The following LRRTM3 variants were observed in gnomAD, a reference collection of about 807,000 sequenced individuals.
The protein encoded by LRRTM3 is leucine rich repeat transmembrane neuronal 3, also known as leucine-rich repeat transmembrane neuronal protein 3.
Under a neutral mutation model 44.7 loss-of-function variants are expected in LRRTM3, and 24 were observed. The observed-to-expected ratio is 0.54, with a 90% CI of 0.39 to 0.76. The LOEUF (loss-of-function observed/expected upper bound fraction) is 0.76, where lower values mean the gene tolerates loss of function less well. Ranked by LOEUF, LRRTM3 falls within the 30% of genes least tolerant of loss-of-function variation. LRRTM3 has a pLI of 0.00. For missense variants in LRRTM3, 587 were observed against 702.2 expected, an observed-to-expected ratio of 0.84 and a Z score of 1.85; for synonymous variants, 277 against 278.7, an observed-to-expected ratio of 0.99 and a Z score of 0.06.
At chr10:67,044,209 T>A (rs1188705731) in intron 2 of LRRTM3, among the ~76,000 whole-genome samples, 2 of 152,090 alleles carry the variant, frequency 1.3e-5, no homozygotes, top group African/African-American at 2.4e-5. Context: ...AGAAAAAATA[T>A]GGCTGCAACA....
chr10:67,044,512 G>T (rs927106364), intron 2 of LRRTM3, among the ~76,000 whole-genome samples: 24 of 152,106 alleles, frequency 1.6e-4, no homozygotes, highest in Admixed American at 6.6e-4. Flanking sequence ...GATGCTATCT[G>T]GAAAGTTTCC....
chr10:67,046,893 T>G (rs543810301), intron 2 of LRRTM3, among the ~76,000 whole-genome samples: 1 of 152,340 alleles, frequency 6.6e-6, no homozygotes, highest in South Asian at 2.1e-4. Flanking sequence ...GGCACTGCCT[T>G]CCTTTTACAT....
rs894507358 is a variant in LRRTM3, at chr10:66,958,039, C to T, written c.1536+29587C>T. On this transcript the variant is annotated intron_variant, in intron 2 of 2. Coordinates refer to ENST00000361320, the MANE Select transcript of LRRTM3 (RefSeq NM_178011.5). ...TACATAGAACTAGAGGGGCCAAAAG[C>T]AGTTATTGAACACACAAACTATGCA... Among the ~76,000 whole-genome samples, 66 of 152,124 alleles carry T rather than the reference C, an allele frequency of 4.3e-4. 1 individual carries two copies. Among genetic ancestry groups the T allele is most frequent in the African/African-American group, 1.4e-3 (60 of 41,506 alleles).
chr10:67,013,167 A>G (rs1852446866), intron 2 of LRRTM3: 1 of 152,186 alleles, frequency 6.6e-6, no homozygotes, highest in Non-Finnish European at 1.5e-5. Flanking sequence ...AAAGTCAAAA[A>G]TGCTAATGGG....
intron 2 of LRRTM3, among the ~76,000 whole-genome samples, chr10:67,000,814 G>A (rs1442267216): frequency 6.6e-6 from 1 of 152,150 alleles, no homozygotes; most frequent in African/African-American, 2.4e-5. Flanking sequence ...GAATGCCAGT[G>A]CAATTCTGTA....
At chr10:67,046,732 T>C (rs1373758767) in intron 2 of LRRTM3, among the ~76,000 whole-genome samples, 3 of 152,188 alleles carry the variant, frequency 2.0e-5, no homozygotes, top group Admixed American at 6.5e-5. Context: ...GTTACCATTA[T>C]CCTTCTCTCT....
At chr10:66,998,041 C>G (rs1045190320) in intron 2 of LRRTM3, among the ~76,000 whole-genome samples, 25 of 152,174 alleles carry the variant, frequency 1.6e-4, no homozygotes, top group African/African-American at 5.3e-4. Flanking sequence ...TTCATCCCCT[C>G]ATTTCTCCCC....
intron 2 of LRRTM3, among the ~76,000 whole-genome samples, chr10:67,088,977 T>A (rs906457596): frequency 1.3e-5 from 2 of 152,050 alleles, no homozygotes; most frequent in African/African-American, 2.4e-5. Flanking sequence ...TACAGTATAA[T>A]GACTACTTAG....
intron 2 of LRRTM3, among the ~76,000 whole-genome samples, chr10:67,028,088 T>C (rs1853500416): frequency 6.6e-6 from 1 of 152,186 alleles, no homozygotes; most frequent in South Asian, 2.1e-4. Flanking sequence ...TATATTCGTT[T>C]ATTCTTCTGA....
chr10:66,991,183 A>G (rs1051056369), intron 2 of LRRTM3, among the ~76,000 whole-genome samples: 1 of 152,188 alleles, frequency 6.6e-6, no homozygotes, highest in Non-Finnish European at 1.5e-5. Context: ...TCAAACATTC[A>G]GGGAAGTAAA....
rs562100531 is a variant in LRRTM3, at chr10:66,932,242, T to C, written c.1536+3790T>C. Among the ~76,000 whole-genome samples, 9 of 152,318 alleles carry C rather than the reference T, an allele frequency of 5.9e-5. No individual in the cohort carries two copies. In the South Asian group the frequency reaches 1.9e-3, roughly 32 times the overall value. On this transcript the variant is annotated intron_variant, in intron 2 of 2. Transcript: ENST00000361320. ...TGGGGAAGGATAATGCAGAGTCAGA[T>C]TCATGGATTTGGCAAGAGGTTTTAG...
At chr10:67,010,663 G>A (rs532053065) in intron 2 of LRRTM3, among the ~76,000 whole-genome samples, 1 of 152,274 alleles carries the variant, frequency 6.6e-6, no homozygotes, top group South Asian at 2.1e-4. Context: ...ATCAGTAGCT[G>A]CTAGGAATTT....
At chr10:67,048,515 C>G (rs1854886363) in intron 2 of LRRTM3, among the ~76,000 whole-genome samples, 1 of 152,012 alleles carries the variant, frequency 6.6e-6, no homozygotes, top group Non-Finnish European at 1.5e-5. Flanking sequence ...GCACAGCTCA[C>G]TAATATACTG....
chr10:66,998,233 C>A (rs1467232336), intron 2 of LRRTM3, among the ~76,000 whole-genome samples: 2 of 152,172 alleles, frequency 1.3e-5, no homozygotes, highest in East Asian at 3.8e-4. Flanking sequence ...TGCTACAATT[C>A]TTTTTCTATA....
At chr10:67,062,608 T>C (rs981373179) in intron 2 of LRRTM3, among the ~76,000 whole-genome samples, 2 of 152,172 alleles carry the variant, frequency 1.3e-5, no homozygotes, top group Non-Finnish European at 2.9e-5. Context: ...GGGAAACATC[T>C]GGATGACCTC....
chr10:66,991,512 CAAAT>C (rs1264824865), intron 2 of LRRTM3, among the ~76,000 whole-genome samples: 2 of 152,076 alleles, frequency 1.3e-5, no homozygotes, highest in Non-Finnish European at 2.9e-5. Flanking sequence ...AGTACACTAA[CAAAT>C]AAAACATTTT....
chr10:66,938,939 C>T (rs544472035), intron 2 of LRRTM3, among the ~76,000 whole-genome samples: 2 of 152,294 alleles, frequency 1.3e-5, no homozygotes, highest in South Asian at 4.1e-4. Context: ...CGTCCACATC[C>T]TCCTGAGAAA....
chr10:66,997,319 G>C (rs752053915), intron 2 of LRRTM3, among the ~76,000 whole-genome samples: 2 of 152,062 alleles, frequency 1.3e-5, no homozygotes, highest in Non-Finnish European at 2.9e-5. Flanking sequence ...AATCTGAGCA[G>C]GAAATACTTA....
At chr10:67,072,299 T>C (rs1166165244) in intron 2 of LRRTM3, among the ~76,000 whole-genome samples, 2 of 152,222 alleles carry the variant, frequency 1.3e-5, no homozygotes, top group African/African-American at 2.4e-5. Context: ...TCGAATTTTC[T>C]TTTCCTTCAC....
Sources: gnomAD v4.1 joint callset for allele counts (sites outside exome capture counted in the v4.1 genomes callset) on GRCh38, gnomAD v4.1.1 for gene constraint, MANE v1.5 for transcripts, NCBI Gene and HGNC (gene_info 2026-07-23, HGNC 2026-07-21) for gene names.